ERP44: variants seen among roughly 807,000 people sequenced by gnomAD.
ERP44 encodes the protein endoplasmic reticulum resident protein 44.
Under a neutral mutation model 53.4 loss-of-function variants are expected in ERP44, and 25 were observed. That is an observed-to-expected ratio of 0.47 (90% confidence interval 0.34 to 0.65). The LOEUF is 0.65. Ranked by LOEUF, ERP44 falls within the 30% of genes least tolerant of loss-of-function variation. The probability of loss-of-function intolerance (pLI) is 0.01; values close to 1 mark genes in which losing one functional copy is unlikely to be tolerated. For missense variants in ERP44, 338 were observed against 493.2 expected (o/e 0.69, Z 2.98); for synonymous variants, 145 against 161.2 (o/e 0.90, Z 0.76).
At chr9:100,015,103 T>A (rs1299322471) in intron 8 of ERP44, among the ~76,000 whole-genome samples, 1 of 152,220 alleles carries the variant, frequency 6.6e-6, no homozygotes, top group Non-Finnish European at 1.5e-5. Flanking sequence ...ATTCATTCCC[T>A]AATACTGTCA....
chr9:100,046,346 G>A lies in ERP44; in HGVS notation c.286+6071C>T, dbSNP rs756395158. 3.9e-5 allele frequency among the ~76,000 whole-genome samples: 6 copies of A among 152,066 alleles called. 1 individual carries two copies. The highest frequency in any genetic ancestry group is 8.8e-5 in the Non-Finnish European group (6 of 67,980). ...CAACAACAACAAAAAGATATTAAGT[G>A]GAAGAGGGATAAAATCCAAATAAAA... On this transcript the variant is annotated intron_variant, in intron 4 of 11. Transcript: ENST00000262455.
rs563385212 is a variant in ERP44, at chr9:99,992,835, C to G, written c.1017-7766G>C. ...TCAGCAAAGTCTTGGGATACAAAAT[C>G]AATGTGCAAAAATCACAAGCATTCT... On this transcript the variant is annotated intron_variant, in intron 10 of 11. Coordinates refer to ENST00000262455, the MANE Select transcript of ERP44 (RefSeq NM_015051.3). Among the ~76,000 whole-genome samples the G allele has an allele frequency of 2.0e-5, 3 of 152,282 alleles. No individual in the cohort carries two copies. In the South Asian group the frequency reaches 6.2e-4, roughly 32 times the overall value.
In ERP44 at chr9:100,020,750, A is replaced by AT; in HGVS notation, c.472-20_472-19insA. ...TGCTGCGCTGTAAAATAAAGTATGCAATTATTTTGCAAACATACATAGTTT... is the reference window on the plus strand; with the variant it reads ...TGCTGCGCTGTAAAATAAAGTATGCATATTATTTTGCAAACATACATAGTTT... On this transcript the variant is annotated intron_variant, in intron 5 of 11. Coordinates refer to ENST00000262455, the MANE Select transcript of ERP44 (RefSeq NM_015051.3). 1 of 1,306,120 alleles carries AT rather than the reference A, an allele frequency of 7.7e-7. No individual in the cohort carries two copies. The highest frequency in any genetic ancestry group is 1.1e-6 in the Non-Finnish European group (1 of 904,088). 80.9% of individuals were successfully genotyped at this position (1,306,120 alleles called of 1,614,324 possible).
intron 8 of ERP44, among the ~76,000 whole-genome samples, chr9:100,008,703 A>G (rs1294139389): frequency 6.6e-6 from 1 of 152,212 alleles, no homozygotes; most frequent in African/African-American, 2.4e-5. Context: ...AAGATCAATT[A>G]TTAAGCCTCT....
chr9:100,000,805 T>C (rs556723236), intron 10 of ERP44, among the ~76,000 whole-genome samples: 1 of 152,246 alleles, frequency 6.6e-6, no homozygotes, highest in South Asian at 2.1e-4. Context: ...AAAAACCAGC[T>C]ATAGTTTTGT....
intron 4 of ERP44, among the ~76,000 whole-genome samples, chr9:100,022,559 A>G (rs540407824): frequency 4.5e-4 from 69 of 152,316 alleles, no homozygotes; most frequent in African/African-American, 1.4e-3. Flanking sequence ...TAAATAATAC[A>G]ACAGACGCCA....
intron 11 of ERP44, among the ~76,000 whole-genome samples, chr9:99,983,785 TTTTTAA>T (rs1830172521): frequency 6.6e-6 from 1 of 152,188 alleles, no homozygotes. Flanking sequence ...TCCCAATACA[TTTTTAA>T]TTTTTTCAGT....
At chr9:100,083,160 A>G (rs1826445862) in intron 1 of ERP44, among the ~76,000 whole-genome samples, 1 of 152,032 alleles carries the variant, frequency 6.6e-6, no homozygotes, top group South Asian at 2.1e-4. Flanking sequence ...AGGAAAAGAC[A>G]ACATCCCAAT....
chr9:100,027,696 C>T (rs1006995094), intron 4 of ERP44, among the ~76,000 whole-genome samples: 1 of 152,170 alleles, frequency 6.6e-6, no homozygotes, highest in Non-Finnish European at 1.5e-5. Flanking sequence ...TGCCTGCCTG[C>T]CTCACTAATA....
At chr9:100,086,552 T>G (rs573525586) in intron 1 of ERP44, among the ~76,000 whole-genome samples, 2 of 152,328 alleles carry the variant, frequency 1.3e-5, no homozygotes, top group East Asian at 1.9e-4. Flanking sequence ...CAAACAAGTA[T>G]CTCCTACATG....
intron 10 of ERP44, among the ~76,000 whole-genome samples, chr9:99,990,060 G>A (rs1017374582): frequency 5.3e-5 from 8 of 152,222 alleles, no homozygotes; most frequent in African/African-American, 1.9e-4. Context: ...ACCTGAAAGT[G>A]ATGGGGAGAA....
At chr9:100,039,577 A>G (rs560195778) in intron 4 of ERP44, among the ~76,000 whole-genome samples, 1 of 152,186 alleles carries the variant, frequency 6.6e-6, no homozygotes, top group Admixed American at 6.5e-5. Flanking sequence ...AATAAGAAAA[A>G]ACTTCCAATA....
intron 4 of ERP44, among the ~76,000 whole-genome samples, chr9:100,036,098 T>C (rs1404471018): frequency 2.0e-5 from 3 of 152,252 alleles, no homozygotes; most frequent in East Asian, 3.8e-4. Context: ...TGCATGCATA[T>C]GTTCCTCGCA....
intron 4 of ERP44, among the ~76,000 whole-genome samples, chr9:100,034,644 T>C (rs1387045942): frequency 6.6e-6 from 1 of 152,026 alleles, no homozygotes; most frequent in Non-Finnish European, 1.5e-5. Flanking sequence ...AAGACAGGAA[T>C]AGTATTAATC....
At chr9:100,061,603 T>C (rs1219957875) in intron 1 of ERP44, among the ~76,000 whole-genome samples, 1 of 147,312 alleles carries the variant, frequency 6.8e-6, no homozygotes, top group Middle Eastern at 3.3e-3. Context: ...TAGAAATATA[T>C]ATATTTATAG....
chr9:100,012,356 A>T (rs994051857), intron 8 of ERP44, among the ~76,000 whole-genome samples: 1 of 152,210 alleles, frequency 6.6e-6, no homozygotes, highest in Non-Finnish European at 1.5e-5. Flanking sequence ...ACATTTCATG[A>T]GAAGCCATTT....
At position 99,982,684 on chromosome 9, in the gene ERP44, A is replaced by G. The variant is rs761455161; in HGVS notation, c.1149T>C (p.Pro383=). The change falls in exon 12 of 12, where the codon CCT becomes CCC. Residue 383 remains proline, a synonymous_variant. Transcript: ENST00000262455. ...GTGCTAGTTTCTGGAAGGAGCTCTC[A>G]GGTGGACTGCTTGCTACATCTTGGG... The part of the protein sequence containing the change: ...EQAQDVASSP[P]ESSFQKLAPS... 1.2e-6 allele frequency: 2 copies of G among 1,610,034 alleles called. No homozygotes were observed. Among genetic ancestry groups the G allele is most frequent in the African/African-American group, 1.3e-5 (1 of 74,668 alleles).
intron 4 of ERP44, among the ~76,000 whole-genome samples, chr9:100,045,554 T>C (rs1382717020): frequency 2.0e-5 from 3 of 152,186 alleles, no homozygotes; most frequent in African/African-American, 7.2e-5. Flanking sequence ...TAAAATCAAG[T>C]AAGCACTCAA....
chr9:99,994,655 T>TA (rs905236364), intron 10 of ERP44, among the ~76,000 whole-genome samples: 26 of 150,138 alleles, frequency 1.7e-4, no homozygotes, highest in South Asian at 2.1e-4. Flanking sequence ...AAAGTACAAT[T>TA]AAAAAAAAAA....
Sources: gnomAD v4.1 joint callset for allele counts (sites outside exome capture counted in the v4.1 genomes callset) on GRCh38, gnomAD v4.1.1 for gene constraint, MANE v1.5 for transcripts, NCBI Gene and HGNC (gene_info 2026-07-23, HGNC 2026-07-21) for gene names.